ZNF892: variants seen among roughly 807,000 people sequenced by gnomAD.
The protein encoded by ZNF892 is zinc finger protein 570-like.
chr2:95,236,264 A>G, the ZNF892 span, among the ~76,000 whole-genome samples: 1 of 152,238 alleles, frequency 6.6e-6, no homozygotes, highest in Non-Finnish European at 1.5e-5. Context: ...GAATACTCAA[A>G]GTTTCCAGAA....
At chr2:95,237,766 A>G in the ZNF892 span, among the ~76,000 whole-genome samples, 2 of 152,276 alleles carry the variant, frequency 1.3e-5, no homozygotes, top group Middle Eastern at 3.2e-3. Flanking sequence ...GTGCTACTCT[A>G]GTGAACATTG....
At chr2:95,231,610 A>G in the ZNF892 span, among the ~76,000 whole-genome samples, 1 of 152,258 alleles carries the variant, frequency 6.6e-6, no homozygotes, top group Non-Finnish European at 1.5e-5. Context: ...AAGGACAGAA[A>G]TATTAACTGC....
the ZNF892 span, among the ~76,000 whole-genome samples, chr2:95,253,022 C>T: frequency 1.3e-5 from 2 of 152,192 alleles, no homozygotes; most frequent in South Asian, 2.1e-4. Flanking sequence ...AAAATTTTCT[C>T]CCATTCTATA....
the ZNF892 span, among the ~76,000 whole-genome samples, chr2:95,235,243 C>T: frequency 6.6e-6 from 1 of 152,112 alleles, no homozygotes; most frequent in Non-Finnish European, 1.5e-5. Flanking sequence ...GTCAAGATTT[C>T]TAGAGTTGAG....
At chr2:95,251,343 A>G in the ZNF892 span, among the ~76,000 whole-genome samples, 1 of 152,210 alleles carries the variant, frequency 6.6e-6, no homozygotes, top group Non-Finnish European at 1.5e-5. Flanking sequence ...ACAATAAGAC[A>G]TTTGTTGAGG....
the ZNF892 span, among the ~76,000 whole-genome samples, chr2:95,220,115 A>G: frequency 6.6e-6 from 1 of 152,100 alleles, no homozygotes; most frequent in Non-Finnish European, 1.5e-5. Context: ...GGTTTTAGAA[A>G]TCTGTCTGCT....
chr2:95,230,362 T>G, the ZNF892 span, among the ~76,000 whole-genome samples: 1 of 152,164 alleles, frequency 6.6e-6, no homozygotes, highest in South Asian at 2.1e-4. Context: ...CCCTCCAAAA[T>G]TTGAAATATA....
chr2:95,251,270 A>T, the ZNF892 span, among the ~76,000 whole-genome samples: 1 of 152,180 alleles, frequency 6.6e-6, no homozygotes, highest in African/African-American at 2.4e-5. Flanking sequence ...TAATTTATAT[A>T]AACATTGATT....
At chr2:95,235,890 G>T in the ZNF892 span, among the ~76,000 whole-genome samples, 1 of 152,210 alleles carries the variant, frequency 6.6e-6, no homozygotes, top group African/African-American at 2.4e-5. Context: ...AAGCTCAAAG[G>T]TGGTGAATAC....
chr2:95,247,631 T>C, the ZNF892 span, among the ~76,000 whole-genome samples: 3 of 152,088 alleles, frequency 2.0e-5, no homozygotes, highest in Non-Finnish European at 4.4e-5. Context: ...CTAATATTTA[T>C]AATCTATAAG....
At chr2:95,214,578 T>G in the ZNF892 span, 11 of 398,784 alleles carry the variant, frequency 2.8e-5, no homozygotes, top group East Asian at 3.9e-4. Flanking sequence ...CACTCAGAGG[T>G]CCTTACTTGT....
the ZNF892 span, among the ~76,000 whole-genome samples, chr2:95,234,643 A>T: frequency 6.6e-6 from 1 of 152,364 alleles, no homozygotes; most frequent in Admixed American, 6.5e-5. Context: ...ATAGCTGAAC[A>T]CATGGGGGCT....
the ZNF892 span, chr2:95,259,601 G>A: frequency 6.6e-6 from 1 of 152,292 alleles, no homozygotes; most frequent in Non-Finnish European, 1.5e-5. Flanking sequence ...GCATCTGGGA[G>A]AGGAAAGTGA....
chr2:95,247,011 A>G, the ZNF892 span, among the ~76,000 whole-genome samples: 264 of 152,350 alleles, frequency 1.7e-3, no homozygotes, highest in Middle Eastern at 3.4e-3. Flanking sequence ...AAACTATTTT[A>G]AAATTCATAT....
At chr2:95,260,962 C>T in the ZNF892 span, among the ~76,000 whole-genome samples, 3 of 152,214 alleles carry the variant, frequency 2.0e-5, no homozygotes, top group African/African-American at 4.8e-5. Flanking sequence ...CCAGGTGGTT[C>T]TCTCTTAGTG....
the ZNF892 span, among the ~76,000 whole-genome samples, chr2:95,249,231 A>ATTTTTTTTTTTTT: frequency 1.8e-5 from 1 of 57,090 alleles, no homozygotes; most frequent in Non-Finnish European, 3.0e-5. Context: ...ATATATATAT[A>ATTTTTTTTTTTTT]TTTTTTTTTT....
chr2:95,243,728 AGC>A, the ZNF892 span, among the ~76,000 whole-genome samples: 1 of 149,232 alleles, frequency 6.7e-6, no homozygotes, highest in African/African-American at 2.5e-5. Flanking sequence ...TGCGGGGGTC[AGC>A]ACCCCGCCCG....
the ZNF892 span, among the ~76,000 whole-genome samples, chr2:95,238,330 A>C: frequency 4.6e-5 from 7 of 152,210 alleles, no homozygotes; most frequent in Non-Finnish European, 8.8e-5. Flanking sequence ...TCTGTGCTCT[A>C]TAAATGGAAC....
the ZNF892 span, among the ~76,000 whole-genome samples, chr2:95,210,193 GTATA>G: frequency 1.4e-5 from 2 of 146,616 alleles, no homozygotes; most frequent in African/African-American, 5.0e-5. Context: ...ATGTATATGT[GTATA>G]TATGTATATA....
Sources: gnomAD v4.1 joint callset for allele counts (sites outside exome capture counted in the v4.1 genomes callset) on GRCh38, gnomAD v4.1.1 for gene constraint, MANE v1.5 for transcripts, NCBI Gene and HGNC (gene_info 2026-07-23, HGNC 2026-07-21) for gene names.